ENTPD7: variants seen among roughly 807,000 people sequenced by gnomAD.
ENTPD7 encodes the protein NTPDase 7.
Under a neutral mutation model 77.9 loss-of-function variants are expected in ENTPD7, and 53 were observed. That is an observed-to-expected ratio of 0.68 (90% CI 0.55 to 0.85). ENTPD7 has a LOEUF of 0.85. Among genes scored for constraint, ENTPD7 ranks in the 40% least tolerant of loss-of-function variants. ENTPD7 has a pLI of 0.00. For missense variants in ENTPD7, 636 were observed against 743.7 expected (o/e 0.86, Z 1.68); for synonymous variants, 248 against 274.9 (o/e 0.90, Z 0.97).
Position 99,661,530 on chromosome 10 carries a change from C to T in ENTPD7, c.93C>T (p.Phe31=). 1 of 1,613,984 alleles carries T rather than the reference C, an allele frequency of 6.2e-7. No individual in the cohort carries two copies. The highest frequency in any genetic ancestry group is 1.1e-5 in the South Asian group (1 of 91,042). ...CATTTCTCCGTCAGCGGGTGGCATTCCTGGGACTCTTCTTCATATCCTGTC... is the reference window on the plus strand; with the variant it reads ...CATTTCTCCGTCAGCGGGTGGCATTTCTGGGACTCTTCTTCATATCCTGTC... ...VSPFLRQRVA[F]LGLFFISCLL... The change falls in exon 3 of 13, where the codon TTC becomes TTT. Residue 31 remains phenylalanine, a synonymous_variant. Transcript: ENST00000370489.
chr10:99,671,023 T>G (rs1242659415), intron 3 of ENTPD7, among the ~76,000 whole-genome samples: 1 of 151,158 alleles, frequency 6.6e-6, no homozygotes, highest in African/African-American at 2.4e-5. Context: ...GTCTCAAAAA[T>G]AATAATAATA....
At position 99,695,247 on chromosome 10, in the gene ENTPD7, G is replaced by A. The variant is rs139570024; in HGVS notation, c.844-709G>A. Among the ~76,000 whole-genome samples, 25 of 152,216 alleles carry A rather than the reference G, an allele frequency of 1.6e-4. No individual in the cohort carries two copies. In the Middle Eastern group the frequency reaches 0.02, roughly 124 times the overall value. On this transcript the variant is annotated intron_variant, in intron 8 of 12. Transcript: ENST00000370489. ...TAATGTTAGAAAAGGCCACAGAACC[G>A]GGCACAGTGGCTCACACCTGTAATC... is the stretch of plus-strand genomic sequence containing the variant.
At chr10:99,675,928 G>A (rs993288544) in intron 3 of ENTPD7, among the ~76,000 whole-genome samples, 8 of 152,056 alleles carry the variant, frequency 5.3e-5, no homozygotes, top group African/African-American at 1.9e-4. Flanking sequence ...TACTTGTTGA[G>A]TTTTAGTATA....
Position 99,659,854 on chromosome 10 carries a change from C to A in ENTPD7, c.-95-8C>A, listed in dbSNP as rs1228121280. ...GTCGGACAGAAGCCTGAAATCAAAT[C>A]TTTCTAGGCTGCAGACGTAGGAGAT... On this transcript the variant is annotated splice_polypyrimidine_tract_variant and splice_region_variant and intron_variant, in intron 1 of 12. Coordinates refer to ENST00000370489, the MANE Select transcript of ENTPD7 (RefSeq NM_020354.5). The surrounding 1 kb of genome is among the most constrained non-coding windows in gnomAD (Gnocchi z 4.1). 1.3e-5 allele frequency: 20 copies of A among 1,536,134 alleles called. No individual in the cohort carries two copies. Among genetic ancestry groups the A allele is most frequent in the Non-Finnish European group, 1.7e-5 (19 of 1,119,172 alleles).
At chr10:99,686,003 C>T (rs1434796840) in intron 6 of ENTPD7, 108 bp downstream of exon 6, 10 of 671,744 alleles carry the variant, frequency 1.5e-5, no homozygotes, top group Non-Finnish European at 2.0e-5. Flanking sequence ...AATTTTTCTG[C>T]CAATAATTTT....
chr10:99,677,016 C>G (rs1189887612), intron 3 of ENTPD7, among the ~76,000 whole-genome samples: 1 of 152,062 alleles, frequency 6.6e-6, no homozygotes, highest in Admixed American at 6.6e-5. Context: ...TTCTTTTTAT[C>G]AAGTTTGCTT....
chr10:99,692,210 C>G (rs1414644463), intron 8 of ENTPD7, among the ~76,000 whole-genome samples: 3 of 152,230 alleles, frequency 2.0e-5, no homozygotes, highest in Non-Finnish European at 4.4e-5. Context: ...CAGGGCTTCT[C>G]ATCGTTGGCA....
At chr10:99,690,345 A>C (rs780943833) in intron 7 of ENTPD7, among the ~76,000 whole-genome samples, 68 of 152,346 alleles carry the variant, frequency 4.5e-4, no homozygotes, top group South Asian at 2.3e-3. Flanking sequence ...CAGTGAACAC[A>C]GCTAGGAAAT....
In ENTPD7 at chr10:99,696,042, A is replaced by G. The variant is rs750612877; in HGVS notation, c.930A>G (p.Thr310=). ...HTEHVYRVYV[T]TFLGFGGNFA... The stretch of plus-strand genomic sequence containing the variant: ...AACACGTGTACAGGGTTTATGTCAC[A>G]ACTTTTCTGGGTTTCGGAGGCAACT... Residue 310 remains threonine (T), a synonymous_variant, in exon 9 of 13, where the codon ACA becomes ACG. Coordinates refer to ENST00000370489, the MANE Select transcript of ENTPD7 (RefSeq NM_020354.5). 1 of 1,614,190 alleles carries G rather than the reference A, an allele frequency of 6.2e-7. No homozygotes were observed. Among genetic ancestry groups the G allele is most frequent in the Admixed American group, 1.7e-5 (1 of 60,016 alleles).
chr10:99,659,725 C>G lies in ENTPD7; in HGVS notation c.-96+137C>G. The G allele has an allele frequency of 1.9e-6, 1 of 514,082 alleles. No individual in the cohort carries two copies. The highest frequency in any genetic ancestry group is 3.4e-6 in the Non-Finnish European group (1 of 291,636). 31.8% of individuals were successfully genotyped at this position (514,082 alleles called of 1,614,324 possible). A position where few individuals can be genotyped will look rare whatever the true frequency, so the allele number is the denominator to read the frequency against. ...GAGAACGCCCCGCTCCCAGGATGCC[C>G]GGGTAGGGTCCCCTGGGCCTGAGGA... is the stretch of plus-strand genomic sequence containing the variant. On this transcript the variant is annotated intron_variant, in intron 1 of 12. Transcript: ENST00000370489. The surrounding 1 kb of genome is among the most constrained non-coding windows in gnomAD (Gnocchi z 4.1).
chr10:99,687,608 T>C (rs535686413), intron 6 of ENTPD7, among the ~76,000 whole-genome samples: 1 of 152,268 alleles, frequency 6.6e-6, no homozygotes, highest in African/African-American at 2.4e-5. Flanking sequence ...TATTTGGATT[T>C]GTCCTGTGTA....
intron 3 of ENTPD7, among the ~76,000 whole-genome samples, chr10:99,670,240 AAATT>A (rs2133446507): frequency 6.6e-6 from 1 of 152,356 alleles, no homozygotes; most frequent in African/African-American, 2.4e-5. Flanking sequence ...AATTAAATTT[AAATT>A]AATTAAGATT....
chr10:99,709,753 A>G lies in ENTPD7; in HGVS notation c.*5070A>G, dbSNP rs73345141. The G allele has an allele frequency of 6.2e-3, 6,060 of 985,130 alleles. 260 individuals are homozygous for G. The African/African-American group carries it at 0.092, about 15-fold the overall frequency. 61.0% of individuals were successfully genotyped at this position (985,130 alleles called of 1,614,324 possible). On this transcript the variant is annotated 3_prime_UTR_variant, in exon 13 of 13. Coordinates refer to ENST00000370489, the MANE Select transcript of ENTPD7 (RefSeq NM_020354.5). ...CCTGCTCTGTCTACTTATCTTCCTT[A>G]TATCCTAATAGACTTCTCTTGTGTT...
In ENTPD7 at chr10:99,682,723, G is replaced by T. The variant is rs1414793587; in HGVS notation, c.548+2848G>T. Among the ~76,000 whole-genome samples, 3 of 152,108 alleles carry T rather than the reference G, an allele frequency of 2.0e-5. No homozygotes were observed. In the South Asian group the frequency reaches 6.2e-4, roughly 32 times the overall value. ...AATTAAGAATTTTTATTTGACATAGGTGATATTCATATTGTTCAAAAATTT... is the reference window on the plus strand; with the variant it reads ...AATTAAGAATTTTTATTTGACATAGTTGATATTCATATTGTTCAAAAATTT... On this transcript the variant is annotated intron_variant, in intron 5 of 12. Coordinates refer to ENST00000370489, the MANE Select transcript of ENTPD7 (RefSeq NM_020354.5).
chr10:99,709,156 A>C lies in ENTPD7; in HGVS notation c.*4473A>C. The C allele has an allele frequency of 4.1e-6, 4 of 985,094 alleles. No individual in the cohort carries two copies. Among genetic ancestry groups the C allele is most frequent in the Non-Finnish European group, 4.8e-6 (4 of 829,608 alleles). 61.0% of individuals were successfully genotyped at this position (985,094 alleles called of 1,614,324 possible). ...GCAATTCATTAGATGACTACAGCCT[A>C]GATGAAGGTATAAATGCCTATTACA... is the stretch of plus-strand genomic sequence containing the variant. On this transcript the variant is annotated 3_prime_UTR_variant, in exon 13 of 13. Transcript: ENST00000370489.
At position 99,660,612 on chromosome 10, in the gene ENTPD7, G is replaced by A. The variant is rs117766351; in HGVS notation, c.8+648G>A. ...GGTGTATATTTATGCTTGTGTATCC[G>A]TAGAATATCCCTGGAAAGATACACA... On this transcript the variant is annotated intron_variant, in intron 2 of 12. Transcript: ENST00000370489. 653 of 229,904 alleles carry A rather than the reference G, an allele frequency of 2.8e-3. 1 individual carries two copies. The highest frequency in any genetic ancestry group is 5.0e-3 in the Non-Finnish European group (547 of 109,820). 14.2% of individuals were successfully genotyped at this position (229,904 alleles called of 1,614,324 possible).
At chr10:99,700,511 T>A (rs1349655094) in intron 10 of ENTPD7, among the ~76,000 whole-genome samples, 2 of 151,920 alleles carry the variant, frequency 1.3e-5, no homozygotes, top group Non-Finnish European at 2.9e-5. Context: ...TCTGTTTTAT[T>A]TACTGCATGA....
chr10:99,676,397 T>A (rs560356457), intron 3 of ENTPD7, among the ~76,000 whole-genome samples: 1 of 152,098 alleles, frequency 6.6e-6, no homozygotes, highest in South Asian at 2.1e-4. Flanking sequence ...GCCCCCAAAT[T>A]TGAGAACCAG....
intron 3 of ENTPD7, among the ~76,000 whole-genome samples, chr10:99,671,433 T>C (rs914827341): frequency 1.7e-5 from 2 of 117,482 alleles, no homozygotes; most frequent in Non-Finnish European, 4.0e-5. Context: ...TTAAAACTTA[T>C]TTGTTAGAAA....
Sources: allele counts gnomAD v4.1 joint callset (sites outside exome capture counted in the v4.1 genomes callset), GRCh38; gene constraint gnomAD v4.1.1; non-coding constraint Gnocchi (gnomAD v3.1); transcripts MANE v1.5; gene names NCBI Gene and HGNC (gene_info 2026-07-23, HGNC 2026-07-21).